Variants in CACNG4 observed in about 807,000 individuals in gnomAD.
The protein encoded by CACNG4 is voltage-dependent calcium channel gamma-4 subunit.
A neutral mutation model predicts 22.9 loss-of-function variants in CACNG4; 8 were observed. The ratio of observed to expected loss-of-function variants is 0.35; its 90% CI spans 0.21 to 0.63. CACNG4 has a LOEUF of 0.63. Ranked by LOEUF, CACNG4 falls within the 30% of genes least tolerant of loss-of-function variation. The pLI is 0.72. For synonymous variants in CACNG4, 188 were observed against 191.9 expected, an observed-to-expected ratio of 0.98 and a Z score of 0.17; for missense variants, 357 against 455.4, an observed-to-expected ratio of 0.78 and a Z score of 1.97.
intron 1 of CACNG4, among the ~76,000 whole-genome samples, chr17:66,995,366 A>T (rs1189099196): frequency 2.6e-5 from 4 of 152,184 alleles, no homozygotes; most frequent in African/African-American, 9.7e-5. Flanking sequence ...GCAGCCTCTC[A>T]TGAAGCCTGA....
chr17:66,982,361 T>A (rs1276849162), intron 1 of CACNG4, among the ~76,000 whole-genome samples: 2 of 152,216 alleles, frequency 1.3e-5, no homozygotes, highest in African/African-American at 4.8e-5. Context: ...TGGTCCATTT[T>A]ACAAACCTCT....
chr17:66,991,412 A>G (rs2035339785), intron 1 of CACNG4, among the ~76,000 whole-genome samples: 1 of 152,132 alleles, frequency 6.6e-6, no homozygotes, highest in Non-Finnish European at 1.5e-5. Flanking sequence ...CAGAAGCCAG[A>G]TCCCATAAGA....
chr17:66,970,364 A>C (rs2035196508), intron 1 of CACNG4, among the ~76,000 whole-genome samples: 1 of 152,226 alleles, frequency 6.6e-6, no homozygotes, highest in Non-Finnish European at 1.5e-5. Context: ...TTTAGATCAC[A>C]GATGTGAACT....
intron 1 of CACNG4, among the ~76,000 whole-genome samples, chr17:66,986,410 C>T (rs760392063): frequency 7.9e-5 from 12 of 151,982 alleles, no homozygotes; most frequent in Non-Finnish European, 1.6e-4. Flanking sequence ...AATTCCAGCC[C>T]GGGGGGATGA....
chr17:66,971,439 C>T (rs2035204137), intron 1 of CACNG4, among the ~76,000 whole-genome samples: 1 of 152,218 alleles, frequency 6.6e-6, no homozygotes, highest in African/African-American at 2.4e-5. Context: ...CACAGGCTCA[C>T]TGAACACCTG....
rs1458232335 is a variant in CACNG4, at chr17:67,032,197, C to T, written c.*1193C>T. The T allele has an allele frequency of 2.8e-6, 1 of 362,398 alleles. No individual in the cohort carries two copies. Among genetic ancestry groups the T allele is most frequent in the African/African-American group, 2.1e-5 (1 of 46,834 alleles). The allele number at this position is 362,398 out of a possible 1,614,324, so 22.4% of individuals were successfully genotyped here. A position where few individuals can be genotyped will look rare whatever the true frequency, so the allele number is the denominator to read the frequency against. On this transcript the variant is annotated 3_prime_UTR_variant, in exon 4 of 4. Transcript: ENST00000262138. ...CGGACCGAGCTGGGCTTCTCTTCCT[C>T]CCTACAGAGGGGAGATCTCAGCACT...
chr17:67,002,467 G>A (rs2035413925), intron 1 of CACNG4, among the ~76,000 whole-genome samples: 1 of 152,140 alleles, frequency 6.6e-6, no homozygotes, highest in South Asian at 2.1e-4. Flanking sequence ...TGGCTGCCCT[G>A]GAAGAACTGT....
intron 1 of CACNG4, among the ~76,000 whole-genome samples, chr17:66,999,651 G>A (rs906758491): frequency 1.1e-4 from 16 of 152,060 alleles, no homozygotes; most frequent in African/African-American, 3.1e-4. Context: ...AGAACACCAC[G>A]GGGGGAAACT....
At chr17:66,971,320 A>AGGGGTTTCCAGCCAGAAGAGCCTTGAG (rs2035203307) in intron 1 of CACNG4, among the ~76,000 whole-genome samples, 1 of 151,966 alleles carries the variant, frequency 6.6e-6, no homozygotes, top group Admixed American at 6.6e-5. Flanking sequence ...AGCCTTGTGG[A>AGGGGTTTCCAGCCAGAAGAGCCTTGAG]GCTTACTTAG....
chr17:66,996,101 G>C (rs978575034), intron 1 of CACNG4, among the ~76,000 whole-genome samples: 4 of 152,122 alleles, frequency 2.6e-5, no homozygotes, highest in Admixed American at 6.5e-5. Context: ...GGTTGACTTA[G>C]GAGGTTGATG....
At chr17:67,001,085 G>A (rs770320704) in intron 1 of CACNG4, among the ~76,000 whole-genome samples, 26 of 152,144 alleles carry the variant, frequency 1.7e-4, no homozygotes, top group South Asian at 4.2e-4. Flanking sequence ...TTCTGGTCTC[G>A]TGGTAGTGAA....
chr17:66,971,092 C>T (rs1466569967), intron 1 of CACNG4, among the ~76,000 whole-genome samples: 1 of 152,148 alleles, frequency 6.6e-6, no homozygotes, highest in East Asian at 1.9e-4. Context: ...TCTGTCTCCT[C>T]ATCTGAAAAT....
rs1473498491 is a variant in CACNG4 at position 66,998,404 on chromosome 17, G to A, written c.221-19785G>A. Among the ~76,000 whole-genome samples the A allele has an allele frequency of 5.3e-5, 8 of 152,152 alleles. No homozygotes were observed. The South Asian group carries it at 6.2e-4, about 12-fold the overall frequency. ...GCCTAATTTTTTAAATTTGCTTTTT[G>A]TAGAGATGGGGTCTCACTCAAACTC... On this transcript the variant is annotated intron_variant, in intron 1 of 3. Coordinates refer to ENST00000262138, the MANE Select transcript of CACNG4 (RefSeq NM_014405.4).
At chr17:67,005,419 A>C (rs967565692) in intron 1 of CACNG4, among the ~76,000 whole-genome samples, 2 of 151,876 alleles carry the variant, frequency 1.3e-5, no homozygotes, top group Non-Finnish European at 2.9e-5. Context: ...CAGACGGCCC[A>C]CTCCCTCTCC....
chr17:67,022,139 G>A (rs200619748), intron 2 of CACNG4, among the ~76,000 whole-genome samples: 2 of 151,162 alleles, frequency 1.3e-5, no homozygotes, highest in South Asian at 2.1e-4. Context: ...GCAGTGGCGC[G>A]ATCTTGGCTC....
chr17:66,981,392 T>G (rs1400719485), intron 1 of CACNG4, among the ~76,000 whole-genome samples: 4 of 152,318 alleles, frequency 2.6e-5, no homozygotes, highest in South Asian at 2.1e-4. Flanking sequence ...CTTCGACCCT[T>G]AATAGCCCTT....
At chr17:66,977,210 A>G (rs531334968) in intron 1 of CACNG4, among the ~76,000 whole-genome samples, 39 of 152,248 alleles carry the variant, frequency 2.6e-4, no homozygotes, top group African/African-American at 9.1e-4. Flanking sequence ...TAAAAATATC[A>G]ACCAGATCAC....
At chr17:66,973,239 A>C (rs78574130) in intron 1 of CACNG4, among the ~76,000 whole-genome samples, 1 of 44,376 alleles carries the variant, frequency 2.3e-5, no homozygotes, top group African/African-American at 6.5e-5. Flanking sequence ...GACTCCATTA[A>C]AAAAAAAAAA....
Position 66,964,903 on chromosome 17 carries a change from G to C in CACNG4, c.-9G>C. On this transcript the variant is annotated 5_prime_UTR_variant, in exon 1 of 4. Transcript: ENST00000262138. Reference sequence around the variant, plus strand: ...GGGCCGGCGGGCGGCGGACTATGAGGCGCCCACCATGGTGCGATGCGACCG... The same window carrying C: ...GGGCCGGCGGGCGGCGGACTATGAGCCGCCCACCATGGTGCGATGCGACCG... 1 of 1,513,408 alleles carries C rather than the reference G, an allele frequency of 6.6e-7. No individual in the cohort carries two copies. Among genetic ancestry groups the C allele is most frequent in the Non-Finnish European group, 8.8e-7 (1 of 1,133,490 alleles). The allele number at this position is 1,513,408 out of a possible 1,614,324, so 93.7% of individuals were successfully genotyped here. A position where few individuals can be genotyped will look rare whatever the true frequency, so the allele number is the denominator to read the frequency against.
Sources: gnomAD v4.1 joint callset for allele counts (sites outside exome capture counted in the v4.1 genomes callset) on GRCh38, gnomAD v4.1.1 for gene constraint, MANE v1.5 for transcripts, NCBI Gene and HGNC (gene_info 2026-07-23, HGNC 2026-07-21) for gene names.